CRHR1: variants seen among roughly 807,000 people sequenced by gnomAD.
The protein encoded by CRHR1 is corticotropin-releasing hormone receptor 1.
In CRHR1, 28 loss-of-function variants were observed where a neutral mutation model predicts 56.0. The ratio of observed to expected loss-of-function variants is 0.50; its 90% CI spans 0.37 to 0.69. CRHR1 has a LOEUF of 0.69. Among genes scored for constraint, CRHR1 ranks in the 30% least tolerant of loss-of-function variants. The pLI is 0.00. For missense variants in CRHR1, 376 were observed against 548.0 expected (o/e 0.69, Z 3.13); for synonymous variants, 195 against 216.5 (o/e 0.90, Z 0.87).
chr17:45,803,781 C>T (rs865877999), intron 1 of CRHR1, among the ~76,000 whole-genome samples: 9 of 56,666 alleles, frequency 1.6e-4, no homozygotes, highest in Non-Finnish European at 2.0e-4. Context: ...TGTGTGCGTG[C>T]GCGTGCGCGT....
chr17:45,796,561 C>T (rs2061521762), intron 1 of CRHR1, among the ~76,000 whole-genome samples: 1 of 152,200 alleles, frequency 6.6e-6, no homozygotes, highest in Non-Finnish European at 1.5e-5. Context: ...TGCCCAGGGG[C>T]AGGAGCATGG....
intron 1 of CRHR1, among the ~76,000 whole-genome samples, chr17:45,791,990 CCAGACCTGTA>C (rs763753284): frequency 2.6e-5 from 4 of 152,134 alleles, no homozygotes; most frequent in Middle Eastern, 3.2e-3. Flanking sequence ...CTGAGCATAG[CCAGACCTGTA>C]CGGCAGGTGT....
intron 1 of CRHR1, among the ~76,000 whole-genome samples, chr17:45,795,445 G>C (rs1221746556): frequency 3.3e-5 from 5 of 152,200 alleles, no homozygotes; most frequent in African/African-American, 1.2e-4. Context: ...CCTTCACTGT[G>C]GGGGCTGGCC....
intron 5 of CRHR1, 67 bp downstream of exon 5, chr17:45,829,388 G>A (rs1238392605): frequency 6.8e-7 from 1 of 1,472,102 alleles, no homozygotes; most frequent in Admixed American, 1.8e-5. Context: ...GTGGAGAAGT[G>A]AGAGGAGCAG....
chr17:45,799,676 T>G (rs987900595), intron 1 of CRHR1: 2 of 151,930 alleles, frequency 1.3e-5, no homozygotes, highest in Non-Finnish European at 2.9e-5. Flanking sequence ...CACTGGAGAG[T>G]CAAGGGCTTC....
chr17:45,829,767 T>C lies in CRHR1; in HGVS notation c.435-327T>C, dbSNP rs2062251893. On this transcript the variant is annotated intron_variant, in intron 5 of 12. Transcript: ENST00000314537. ...TGGGAGCAGGGCTGACCCCTGTGAC[T>C]GTCCATCCTGGAATGGCAGGGAGTA... 1.3e-5 allele frequency: 14 copies of C among 1,060,176 alleles called. No individual in the cohort carries two copies. In the East Asian group the frequency reaches 3.6e-4, roughly 27 times the overall value. 65.7% of individuals were successfully genotyped at this position (1,060,176 alleles called of 1,614,324 possible).
At chr17:45,810,927 G>T (rs960097874) in intron 2 of CRHR1, among the ~76,000 whole-genome samples, 1 of 152,232 alleles carries the variant, frequency 6.6e-6, no homozygotes, top group African/African-American at 2.4e-5. Context: ...TCCTCTGACT[G>T]GGCAAGAACG....
chr17:45,825,058 G>A (rs932182709), intron 4 of CRHR1, among the ~76,000 whole-genome samples: 1 of 151,982 alleles, frequency 6.6e-6, no homozygotes, highest in African/African-American at 2.4e-5. Flanking sequence ...CCCCAGCCTC[G>A]CCAGACCCCT....
In CRHR1 at chr17:45,784,360, G is replaced by C. The variant is rs1185221143; in HGVS notation, c.-185G>C. On this transcript the variant is annotated 5_prime_UTR_variant, in exon 1 of 13. Coordinates refer to ENST00000314537, the MANE Select transcript of CRHR1 (RefSeq NM_004382.5). The surrounding 1 kb of genome is among the most constrained non-coding windows in gnomAD (Gnocchi z 4.2). ...GACTTCCCCGGGAAGGGGCGAGCGA[G>C]AGCCGGGCCGGGCCGGGCCGGGCCG... 1.7e-5 allele frequency: 6 copies of C among 352,474 alleles called. No homozygotes were observed. Among genetic ancestry groups the C allele is most frequent in the Non-Finnish European group, 2.9e-5 (6 of 205,878 alleles). 21.8% of individuals were successfully genotyped at this position (352,474 alleles called of 1,614,324 possible). A position where few individuals can be genotyped will look rare whatever the true frequency, so the allele number is the denominator to read the frequency against.
chr17:45,797,569 C>G (rs537663340), intron 1 of CRHR1, among the ~76,000 whole-genome samples: 1 of 152,068 alleles, frequency 6.6e-6, no homozygotes. Flanking sequence ...TGAGCCACCA[C>G]GCCCGGCCCC....
chr17:45,807,235 A>G (rs2061737143), intron 2 of CRHR1, 138 bp downstream of exon 2: 2 of 748,308 alleles, frequency 2.7e-6, no homozygotes, highest in Admixed American at 2.3e-5. Context: ...GCTCCAAGCA[A>G]TTCTTCACAT....
rs1005841632 is a variant in CRHR1 at position 45,834,907 on chromosome 17, G to GT, written c.*143_*144insT. ...GCAGCTGGCACTGACAGCCTGGGGGGGCCGCTCTCCCCCTGCAGCCGTGCA... is the reference window on the plus strand; with the variant it reads ...GCAGCTGGCACTGACAGCCTGGGGGGTGCCGCTCTCCCCCTGCAGCCGTGCA... On this transcript the variant is annotated 3_prime_UTR_variant, in exon 13 of 13. Coordinates refer to ENST00000314537, the MANE Select transcript of CRHR1 (RefSeq NM_004382.5). The GT allele has an allele frequency of 1.2e-5, 14 of 1,130,336 alleles. No homozygotes were observed. Among genetic ancestry groups the GT allele is most frequent in the South Asian group, 3.0e-5 (2 of 67,046 alleles). The allele number at this position is 1,130,336 out of a possible 1,614,324, so 70.0% of individuals were successfully genotyped here.
intron 1 of CRHR1, among the ~76,000 whole-genome samples, chr17:45,790,178 C>T (rs1446688555): frequency 1.3e-5 from 2 of 152,158 alleles, no homozygotes; most frequent in Admixed American, 6.5e-5. Context: ...CAGACCTGAA[C>T]ATCTGGGATA....
chr17:45,813,638 C>G (rs925492617), intron 2 of CRHR1, among the ~76,000 whole-genome samples: 1 of 152,222 alleles, frequency 6.6e-6, no homozygotes, highest in African/African-American at 2.4e-5. Context: ...CAGATCAGGG[C>G]CAGCTGTGCA....
chr17:45,799,569 G>GCAGGACCC (rs1184215410), intron 1 of CRHR1: 2 of 152,276 alleles, frequency 1.3e-5, no homozygotes, highest in African/African-American at 2.4e-5. Flanking sequence ...TGTGGAGCCT[G>GCAGGACCC]CAGGACCCCA....
chr17:45,792,274 C>A (rs2061440363), intron 1 of CRHR1, among the ~76,000 whole-genome samples: 1 of 152,172 alleles, frequency 6.6e-6, no homozygotes, highest in African/African-American at 2.4e-5. Flanking sequence ...CCTTCCCCTT[C>A]CTCTTTCTGC....
At chr17:45,831,352 A>G (rs1279003899) in intron 8 of CRHR1, among the ~76,000 whole-genome samples, 1 of 152,228 alleles carries the variant, frequency 6.6e-6, no homozygotes, top group Non-Finnish European at 1.5e-5. Context: ...CCTGGCACAT[A>G]GAGTAAATGC....
intron 3 of CRHR1, among the ~76,000 whole-genome samples, chr17:45,819,476 G>A (rs1250981513): frequency 3.5e-5 from 4 of 114,458 alleles, no homozygotes; most frequent in Non-Finnish European, 5.2e-5. Context: ...CCTTCCAGCC[G>A]GATCTCTGTC....
intron 1 of CRHR1, chr17:45,800,354 G>T (rs2061599929): frequency 6.6e-6 from 1 of 152,164 alleles, no homozygotes; most frequent in Non-Finnish European, 1.5e-5. Flanking sequence ...ATGAGGAGAG[G>T]CCAGGTCCAG....
Sources: gnomAD v4.1 joint callset for allele counts (sites outside exome capture counted in the v4.1 genomes callset) on GRCh38, gnomAD v4.1.1 for gene constraint, Gnocchi (gnomAD v3.1) non-coding constraint, MANE v1.5 for transcripts, NCBI Gene and HGNC (gene_info 2026-07-23, HGNC 2026-07-21) for gene names.